The following HCN1 variants were observed in gnomAD, a reference collection of about 807,000 sequenced individuals.
The protein encoded by HCN1 is potassium/sodium hyperpolarization-activated cyclic nucleotide-gated channel 1.
Under a neutral mutation model 78.9 loss-of-function variants are expected in HCN1, and 13 were observed. The ratio of observed to expected loss-of-function variants is 0.16; its 90% CI spans 0.11 to 0.26. HCN1 has a LOEUF of 0.26. Ranked by LOEUF, HCN1 falls within the 10% of genes least tolerant of loss-of-function variation. HCN1 has a pLI of 1.00. For synonymous variants in HCN1, 552 were observed against 455.5 expected, an observed-to-expected ratio of 1.21 and a Z score of -2.70; for missense variants, 810 against 1,154.3, an observed-to-expected ratio of 0.70 and a Z score of 4.32.
chr5:45,496,863 C>T (rs941780598), intron 2 of HCN1, among the ~76,000 whole-genome samples: 3 of 152,186 alleles, frequency 2.0e-5, no homozygotes, highest in Admixed American at 2.0e-4. Context: ...TCCCTCTACA[C>T]ACTGCTTTGA....
intron 1 of HCN1, among the ~76,000 whole-genome samples, chr5:45,685,456 G>A (rs1739785142): frequency 6.6e-6 from 1 of 152,196 alleles, no homozygotes; most frequent in Non-Finnish European, 1.5e-5. Context: ...TCTCATGCCT[G>A]TAACGTCAGC....
At chr5:45,345,080 C>A (rs559527477) in intron 5 of HCN1, among the ~76,000 whole-genome samples, 12 of 152,156 alleles carry the variant, frequency 7.9e-5, no homozygotes, top group Non-Finnish European at 1.6e-4. Flanking sequence ...CAGTTCTTGA[C>A]TTTTGTGACC....
chr5:45,261,901 G>C lies in HCN1; in HGVS notation c.*20C>G. The C allele has an allele frequency of 6.2e-7, 1 of 1,613,824 alleles. No individual in the cohort carries two copies. Among genetic ancestry groups the C allele is most frequent in the East Asian group, 2.2e-5 (1 of 44,878 alleles). ...TCAGTTTATGAGAGTATTTCTTTCT[G>C]CTTTGACAATCAGCAGGGATCATAA... is the stretch of plus-strand genomic sequence containing the variant. On this transcript the variant is annotated 3_prime_UTR_variant, in exon 8 of 8. Coordinates refer to ENST00000303230, the MANE Select transcript of HCN1 (RefSeq NM_021072.4).
chr5:45,446,542 C>G (rs1396355443), intron 3 of HCN1, among the ~76,000 whole-genome samples: 1 of 152,106 alleles, frequency 6.6e-6, no homozygotes, highest in Non-Finnish European at 1.5e-5. Context: ...GAGAACGCCA[C>G]AAAGATACTC....
intron 2 of HCN1, among the ~76,000 whole-genome samples, chr5:45,478,334 GAC>G (rs1256492676): frequency 1.3e-5 from 2 of 152,272 alleles, no homozygotes; most frequent in Admixed American, 6.5e-5. Context: ...AAGGGGCATA[GAC>G]AATAGACAGT....
chr5:45,465,027 TTTC>T (rs1420306169), intron 2 of HCN1, among the ~76,000 whole-genome samples: 5 of 152,158 alleles, frequency 3.3e-5, no homozygotes, highest in African/African-American at 1.2e-4. Flanking sequence ...ATTTTTAGTT[TTTC>T]TTCATCTATA....
rs770876235 is a variant in HCN1, at chr5:45,267,073, T to C, written c.1783+16A>G. The C allele has an allele frequency of 1.4e-5, 23 of 1,600,354 alleles. No homozygotes were observed. In the Admixed American group the frequency reaches 3.8e-4, roughly 27 times the overall value. On this transcript the variant is annotated intron_variant, in intron 7 of 7. Transcript: ENST00000303230. ...GAGATTAAATTTTATATAAAGAAGG[T>C]AGAAAACTAGAGTACCTATTCGATC... is the stretch of plus-strand genomic sequence containing the variant.
chr5:45,515,762 A>G (rs773975028), intron 2 of HCN1, among the ~76,000 whole-genome samples: 24 of 151,986 alleles, frequency 1.6e-4, no homozygotes, highest in Non-Finnish European at 3.1e-4. Flanking sequence ...ATGAAACATC[A>G]TATCTTTTCA....
At chr5:45,363,856 C>T (rs909963901) in intron 4 of HCN1, among the ~76,000 whole-genome samples, 2 of 152,018 alleles carry the variant, frequency 1.3e-5, no homozygotes, top group Admixed American at 6.6e-5. Context: ...CCATGTGGAA[C>T]TGTAAGTCCA....
rs553193987 is a variant in HCN1 at position 45,545,828 on chromosome 5, C to T, written c.850-83821G>A. ...CACCTCCTTCTTGAGACACTCTTCC[C>T]CTTTCACTCTGCTAGTAAAATATCA... On this transcript the variant is annotated intron_variant, in intron 2 of 7. Transcript: ENST00000303230. Among the ~76,000 whole-genome samples the T allele has an allele frequency of 2.0e-5, 3 of 152,104 alleles. No individual in the cohort carries two copies. In the South Asian group the frequency reaches 6.2e-4, roughly 31 times the overall value.
At chr5:45,599,153 C>A (rs1390670434) in intron 2 of HCN1, among the ~76,000 whole-genome samples, 1 of 152,082 alleles carries the variant, frequency 6.6e-6, no homozygotes, top group Non-Finnish European at 1.5e-5. Flanking sequence ...AGACTTGGAA[C>A]CAACACAAAT....
At chr5:45,636,421 T>C (rs965233353) in intron 2 of HCN1, among the ~76,000 whole-genome samples, 24 of 152,310 alleles carry the variant, frequency 1.6e-4, no homozygotes, top group African/African-American at 5.3e-4. Context: ...GGTATCTGCA[T>C]GCACAGAGAA....
chr5:45,350,514 G>C (rs1159850940), intron 5 of HCN1, among the ~76,000 whole-genome samples: 1 of 151,784 alleles, frequency 6.6e-6, no homozygotes, highest in Non-Finnish European at 1.5e-5. Flanking sequence ...AGTGTTGGAA[G>C]TTCTGGCCAG....
chr5:45,609,503 G>A (rs1744790905), intron 2 of HCN1, among the ~76,000 whole-genome samples: 1 of 151,972 alleles, frequency 6.6e-6, no homozygotes, highest in Admixed American at 6.6e-5. Flanking sequence ...AGGATAAATT[G>A]AACAATGTGT....
At position 45,503,870 on chromosome 5, in the gene HCN1, C is replaced by CCA. The variant is rs1450476403; in HGVS notation, c.850-41865_850-41864dup. ...GTGCCATCTCGGCTCACTGCAACCT[C>CCA]CACCTCCCAGGTTCAGGCGATTCTC... On this transcript the variant is annotated intron_variant, in intron 2 of 7. Coordinates refer to ENST00000303230, the MANE Select transcript of HCN1 (RefSeq NM_021072.4). Among the ~76,000 whole-genome samples, 6 of 151,870 alleles carry CCA rather than the reference C, an allele frequency of 4.0e-5. No individual in the cohort carries two copies. The East Asian group carries it at 1.2e-3, about 30-fold the overall frequency.
chr5:45,356,398 T>A (rs960562490), intron 4 of HCN1, among the ~76,000 whole-genome samples: 3 of 151,952 alleles, frequency 2.0e-5, no homozygotes, highest in African/African-American at 7.2e-5. Flanking sequence ...AAAGTATGCA[T>A]GTACATGATT....
At chr5:45,346,692 C>A (rs1226592881) in intron 5 of HCN1, among the ~76,000 whole-genome samples, 1 of 152,188 alleles carries the variant, frequency 6.6e-6, no homozygotes, top group Non-Finnish European at 1.5e-5. Context: ...GGCTTAAAAA[C>A]CGGCACACCA....
At chr5:45,508,574 T>C (rs746481894) in intron 2 of HCN1, among the ~76,000 whole-genome samples, 2 of 152,042 alleles carry the variant, frequency 1.3e-5, no homozygotes, top group Non-Finnish European at 2.9e-5. Flanking sequence ...AGACAAAGGG[T>C]ATGTCCTACT....
At chr5:45,315,446 C>T (rs1019217053) in intron 5 of HCN1, among the ~76,000 whole-genome samples, 1 of 152,034 alleles carries the variant, frequency 6.6e-6, no homozygotes, top group Non-Finnish European at 1.5e-5. Flanking sequence ...GCACTAAATG[C>T]CCACAAGAGA....
Sources: gnomAD v4.1 joint callset for allele counts (sites outside exome capture counted in the v4.1 genomes callset) on GRCh38, gnomAD v4.1.1 for gene constraint, MANE v1.5 for transcripts, NCBI Gene and HGNC (gene_info 2026-07-23, HGNC 2026-07-21) for gene names.